Variants in ARHGEF4 observed in about 807,000 individuals in gnomAD.
ARHGEF4 encodes Rho guanine nucleotide exchange factor 4.
A neutral mutation model predicts 162.0 loss-of-function variants in ARHGEF4; 119 were observed. The observed-to-expected ratio is 0.73, with a 90% CI of 0.63 to 0.86. The LOEUF is 0.86. Ranked by LOEUF, ARHGEF4 falls within the 40% of genes least tolerant of loss-of-function variation. ARHGEF4 has a pLI of 0.00. For synonymous variants in ARHGEF4, 1,014 were observed against 979.9 expected (o/e 1.03, Z -0.65); for missense variants, 2,488 against 2,456.0 (o/e 1.01, Z -0.28).
At chr2:131,028,156 C>A in intron 5 of ARHGEF4, 72 bp downstream of exon 5, 1 of 1,569,532 alleles carries the variant, frequency 6.4e-7, no homozygotes, top group Non-Finnish European at 8.7e-7. Flanking sequence ...CACGCTAATG[C>A]AGGCCAGATG....
chr2:130,899,639 T>C (rs13014354), intron 1 of ARHGEF4, among the ~76,000 whole-genome samples: 86,999 of 152,100 alleles, frequency 0.57, 26,813 homozygotes, highest in East Asian at 0.76. Flanking sequence ...TTTGGGAAGC[T>C]CATCTGATGG....
chr2:130,900,572 C>T (rs892065711), intron 1 of ARHGEF4, among the ~76,000 whole-genome samples: 1 of 152,036 alleles, frequency 6.6e-6, no homozygotes, highest in Admixed American at 6.6e-5. Flanking sequence ...TTTTTTGAAG[C>T]TTTATCTTTT....
chr2:130,848,603 A>G (rs1026838297), intron 1 of ARHGEF4, among the ~76,000 whole-genome samples: 21 of 152,124 alleles, frequency 1.4e-4, no homozygotes, highest in African/African-American at 5.1e-4. Flanking sequence ...CCTGCTCTGA[A>G]TCCCCAGCTC....
intron 1 of ARHGEF4, among the ~76,000 whole-genome samples, chr2:130,877,758 A>G (rs563607699): frequency 1.3e-4 from 20 of 152,288 alleles, no homozygotes; most frequent in African/African-American, 4.8e-4. Context: ...CCTTGGAACA[A>G]CATATCTCCC....
chr2:130,967,233 C>G (rs1359124887), intron 4 of ARHGEF4, among the ~76,000 whole-genome samples: 1 of 152,170 alleles, frequency 6.6e-6, no homozygotes, highest in African/African-American at 2.4e-5. Flanking sequence ...ACTGAAATGT[C>G]GTTCATCTGG....
At chr2:131,032,848 C>CTTTTTTTTTTTTTTTT (rs111971610) in intron 5 of ARHGEF4, among the ~76,000 whole-genome samples, 2 of 128,618 alleles carry the variant, frequency 1.6e-5, no homozygotes, top group African/African-American at 6.7e-5. Context: ...TTTCTTTTTT[C>CTTTTTTTTTTTTTTTT]TTTTTTTTTT....
intron 2 of ARHGEF4, among the ~76,000 whole-genome samples, chr2:130,926,896 C>G (rs1468528689): frequency 8.7e-6 from 1 of 114,368 alleles, no homozygotes; most frequent in African/African-American, 3.3e-5. Context: ...TTATTACAGG[C>G]TTGGAATATT....
chr2:131,040,307 A>T lies in ARHGEF4; in HGVS notation c.4529A>T (p.Glu1510Val). ...AAGCGCGCAGACATGTTCAGCGAGG[A>T]GCAGCTGCGTACCATCTTCGGGAAC... ...CRKRADMFSE[E>V]QLRTIFGNIE... Residue 1510 changes from glutamate (E) to valine (V), a missense_variant, in exon 8 of 14, where the codon GAG becomes GTG. By Grantham distance (121) the Glu-to-Val change is moderately radical (BLOSUM62 -2). Transcript: ENST00000409359. The T allele has an allele frequency of 6.2e-7, 1 of 1,613,028 alleles. No homozygotes were observed. The highest frequency in any genetic ancestry group is 8.5e-7 in the Non-Finnish European group (1 of 1,179,828).
chr2:130,855,071 G>C (rs1282201473), intron 1 of ARHGEF4, among the ~76,000 whole-genome samples: 2 of 151,744 alleles, frequency 1.3e-5, no homozygotes, highest in Non-Finnish European at 2.9e-5. Flanking sequence ...GTAGAGACGG[G>C]GTTTCACCAT....
intron 2 of ARHGEF4, among the ~76,000 whole-genome samples, chr2:130,918,296 C>T (rs985329742): frequency 1.6e-4 from 25 of 152,170 alleles, no homozygotes; most frequent in Non-Finnish European, 5.9e-5. Context: ...ATGGTCTCTC[C>T]CACAAAGTGA....
At chr2:130,893,330 C>G (rs749268295) in intron 1 of ARHGEF4, among the ~76,000 whole-genome samples, 7 of 152,170 alleles carry the variant, frequency 4.6e-5, no homozygotes, top group Non-Finnish European at 1.0e-4. Context: ...GTCTGAGCCC[C>G]GTCCTGTGCT....
In ARHGEF4 at chr2:131,038,948, C is replaced by T. The variant is rs780711924; in HGVS notation, c.4221C>T (p.Ile1407=). Residue 1407 remains isoleucine (I), a synonymous_variant, in exon 6 of 14, where the codon ATC becomes ATT. Coordinates refer to ENST00000409359, the MANE Select transcript of ARHGEF4 (RefSeq NM_001367493.1). ...QELGFKAGDV[I]EVMDATNREW... ...TGGGCTTCAAAGCTGGGGACGTCAT[C>T]GAAGTGATGGATGCCACCAACAGAG... 6.2e-6 allele frequency: 10 copies of T among 1,613,720 alleles called. No homozygotes were observed. The Admixed American group carries it at 8.3e-5, about 13-fold the overall frequency.
chr2:130,940,045 G>C (rs569522498), intron 3 of ARHGEF4, among the ~76,000 whole-genome samples: 1 of 152,124 alleles, frequency 6.6e-6, no homozygotes, highest in South Asian at 2.1e-4. Flanking sequence ...GGGGGCAGGG[G>C]GTATTTCTTC....
rs114519463 is a variant in ARHGEF4, at chr2:130,848,377, C to T, written c.39+11385C>T. 2.2e-3 allele frequency among the ~76,000 whole-genome samples: 335 copies of T among 152,320 alleles called. 1 individual carries two copies. The highest frequency in any genetic ancestry group is 7.7e-3 in the African/African-American group (319 of 41,578). ...AACTAGTCTTGTTAGAGTCCAGGCC[C>T]GTGCTGGGTGCCAGGGAGGTCAGGC... On this transcript the variant is annotated intron_variant, in intron 1 of 13. Coordinates refer to ENST00000409359, the MANE Select transcript of ARHGEF4 (RefSeq NM_001367493.1).
chr2:130,922,183 A>G (rs1681913901), intron 2 of ARHGEF4, among the ~76,000 whole-genome samples: 1 of 151,952 alleles, frequency 6.6e-6, no homozygotes, highest in Admixed American at 6.6e-5. Context: ...CAGCCTGACC[A>G]ACATGGAGAA....
chr2:130,864,954 C>T (rs1488103288), intron 1 of ARHGEF4, among the ~76,000 whole-genome samples: 2 of 152,204 alleles, frequency 1.3e-5, no homozygotes, highest in Non-Finnish European at 2.9e-5. Flanking sequence ...ACGCACATGG[C>T]TGTGTGTTCT....
chr2:130,845,392 C>T (rs1419332509), intron 1 of ARHGEF4, among the ~76,000 whole-genome samples: 1 of 151,982 alleles, frequency 6.6e-6, no homozygotes, highest in African/African-American at 2.4e-5. Flanking sequence ...CACCTGTAGT[C>T]CCAGCTGCTT....
intron 1 of ARHGEF4, among the ~76,000 whole-genome samples, chr2:130,906,246 C>T (rs1230326806): frequency 6.6e-6 from 1 of 152,154 alleles, no homozygotes; most frequent in African/African-American, 2.4e-5. Flanking sequence ...ATTTAGAAAC[C>T]AAGATTTGGG....
chr2:130,948,831 G>C (rs1683780191), intron 4 of ARHGEF4, among the ~76,000 whole-genome samples: 1 of 152,178 alleles, frequency 6.6e-6, no homozygotes, highest in African/African-American at 2.4e-5. Flanking sequence ...CAAAAAAGGA[G>C]TGAAAGCTCC....
Sources: gnomAD v4.1 joint callset for allele counts (sites outside exome capture counted in the v4.1 genomes callset) on GRCh38, gnomAD v4.1.1 for gene constraint, MANE v1.5 for transcripts, NCBI Gene and HGNC (gene_info 2026-07-23, HGNC 2026-07-21) for gene names.